The following IL23R variants were observed in gnomAD, a reference collection of about 807,000 sequenced individuals.
IL23R encodes the protein interleukin 23 receptor, also known as interleukin-23 receptor.
Under a neutral mutation model 56.9 loss-of-function variants are expected in IL23R, and 34 were observed. The observed-to-expected ratio is 0.60, with a 90% CI of 0.45 to 0.80. IL23R has a LOEUF of 0.80. IL23R is among the 30% of genes least tolerant of loss of function. The probability of loss-of-function intolerance (pLI) is 0.00; values close to 1 mark genes in which losing one functional copy is unlikely to be tolerated. For missense variants in IL23R, 635 were observed against 730.0 expected (o/e 0.87, Z 1.50); for synonymous variants, 230 against 249.2 (o/e 0.92, Z 0.73).
chr1:67,146,136 T>C (rs1485325882), intron 1 of IL23R, among the ~76,000 whole-genome samples: 4 of 152,180 alleles, frequency 2.6e-5, no homozygotes, highest in Admixed American at 6.6e-5. Flanking sequence ...GAGTAACAGA[T>C]GACTGCAGCC....
intron 7 of IL23R, among the ~76,000 whole-genome samples, chr1:67,227,556 T>C (rs1286048508): frequency 6.6e-6 from 1 of 152,214 alleles, no homozygotes; most frequent in African/African-American, 2.4e-5. Context: ...AAGATGCTCA[T>C]TAATTTTTCA....
chr1:67,262,898 G>A (rs1045224946), downstream of IL23R, among the ~76,000 whole-genome samples: 4 of 152,086 alleles, frequency 2.6e-5, no homozygotes, highest in Non-Finnish European at 4.4e-5. Context: ...GAATGCTGAA[G>A]CAAAATGGAG....
chr1:67,261,450 A>G (rs1347377737), downstream of IL23R, among the ~76,000 whole-genome samples: 1 of 74,350 alleles, frequency 1.3e-5, no homozygotes, highest in Non-Finnish European at 3.1e-5. Flanking sequence ...ACATAGTGTA[A>G]AAAAAAAAAA....
At chr1:67,252,229 A>G (rs1002373946) in intron 9 of IL23R, among the ~76,000 whole-genome samples, 1 of 152,222 alleles carries the variant, frequency 6.6e-6, no homozygotes, top group South Asian at 2.1e-4. Flanking sequence ...AACTTAGCCA[A>G]TGATTTTTCC....
At chr1:67,251,826 C>G (rs1445025946) in intron 9 of IL23R, among the ~76,000 whole-genome samples, 2 of 152,152 alleles carry the variant, frequency 1.3e-5, no homozygotes, top group African/African-American at 2.4e-5. Flanking sequence ...TTGTGCTTCC[C>G]AGAAGGGCTC....
At chr1:67,242,138 A>T (rs1651893109) in intron 9 of IL23R, among the ~76,000 whole-genome samples, 1 of 152,210 alleles carries the variant, frequency 6.6e-6, no homozygotes, top group Admixed American at 6.5e-5. Context: ...TGGAAAAAAG[A>T]CCTAACAAAT....
At chr1:67,186,194 G>C (rs1647315046) in intron 4 of IL23R, among the ~76,000 whole-genome samples, 1 of 152,202 alleles carries the variant, frequency 6.6e-6, no homozygotes, top group Non-Finnish European at 1.5e-5. Context: ...TGCACTTCAA[G>C]CACACAGAAA....
chr1:67,152,954 T>C (rs1379128250), intron 1 of IL23R, among the ~76,000 whole-genome samples: 1 of 152,238 alleles, frequency 6.6e-6, no homozygotes, highest in Non-Finnish European at 1.5e-5. Context: ...AGGATGATGC[T>C]GGCCTCATAA....
At chr1:67,156,759 G>A (rs1646773022) in intron 1 of IL23R, among the ~76,000 whole-genome samples, 1 of 152,180 alleles carries the variant, frequency 6.6e-6, no homozygotes, top group Admixed American at 6.5e-5. Flanking sequence ...CATGGAAGTG[G>A]GACCTGCTGA....
chr1:67,169,357 A>C lies in IL23R; in HGVS notation c.86A>C (p.Asn29Thr). The C allele has an allele frequency of 1.9e-6, 3 of 1,609,586 alleles. No individual in the cohort carries two copies. Among genetic ancestry groups the C allele is most frequent in the Non-Finnish European group, 2.5e-6 (3 of 1,177,284 alleles). Residue 29 changes from asparagine (N) to threonine (T), a missense_variant, in exon 3 of 11, where the codon AAC (asparagine) becomes ACC (threonine). Coordinates refer to ENST00000347310, the MANE Select transcript of IL23R (RefSeq NM_144701.3). Reference sequence around the variant, plus strand: ...TTATTTCTAGGAATTACAAATATAAACTGCTCTGGCCACATCTGGGTAGAA... The same window carrying C: ...TTATTTCTAGGAATTACAAATATAACCTGCTCTGGCCACATCTGGGTAGAA... ...SWCHGGITNI[N>T]CSGHIWVEPA... is the part of the protein sequence containing the mutation.
intron 9 of IL23R, among the ~76,000 whole-genome samples, chr1:67,246,491 C>T (rs1171687747): frequency 2.6e-5 from 4 of 152,152 alleles, no homozygotes; most frequent in Non-Finnish European, 5.9e-5. Flanking sequence ...AAATGTGTCC[C>T]AGAGATTCTG....
At chr1:67,140,264 T>TA (rs1329045958) in intron 1 of IL23R, among the ~76,000 whole-genome samples, 3 of 152,210 alleles carry the variant, frequency 2.0e-5, no homozygotes, top group Non-Finnish European at 4.4e-5. Flanking sequence ...TCTGATTTCA[T>TA]AAATATTTAA....
chr1:67,213,420 G>C (rs961867156), intron 6 of IL23R, among the ~76,000 whole-genome samples: 15 of 152,142 alleles, frequency 9.9e-5, no homozygotes, highest in African/African-American at 3.4e-4. Flanking sequence ...CAGTATTGAG[G>C]GTGCTTTTCA....
At chr1:67,207,307 G>T in intron 6 of IL23R, 1 of 542,072 alleles carries the variant, frequency 1.8e-6, no homozygotes, top group East Asian at 3.5e-5. Context: ...CTGTCACCCA[G>T]GTGCTAAGCA....
intron 9 of IL23R, 149 bp downstream of exon 9, chr1:67,240,430 T>A: frequency 1.5e-6 from 1 of 655,778 alleles, no homozygotes; most frequent in Non-Finnish European, 2.7e-6. Context: ...TAATAAGTAC[T>A]TACCCATGCC....
rs373245679 is a variant in IL23R, at chr1:67,258,790, T to C, written c.1552T>C (p.Ser518Pro). The change falls in exon 11 of 11, where the codon TCA becomes CCA. Residue 518 changes from serine (S) to proline (P), a missense_variant. Physicochemically the swap from Ser to Pro is moderately conservative, Grantham distance 74. Coordinates refer to ENST00000347310, the MANE Select transcript of IL23R (RefSeq NM_144701.3). ...TLKPPVDSLD[S>P]GNNPRLQKHP... ...TAAACCACCAGTTGATTCCTTAGAC[T>C]CAGGAAATAATCCCAGGTTACAAAA... 5 of 1,611,202 alleles carry C rather than the reference T, an allele frequency of 3.1e-6. No homozygotes were observed. Among genetic ancestry groups the C allele is most frequent in the Non-Finnish European group, 4.2e-6 (5 of 1,177,860 alleles).
intron 9 of IL23R, among the ~76,000 whole-genome samples, chr1:67,251,796 A>T (rs775922860): frequency 2.0e-4 from 31 of 152,214 alleles, no homozygotes; most frequent in Admixed American, 3.9e-4. Flanking sequence ...CTACTGAGCT[A>T]CAGTACTGGG....
In IL23R at chr1:67,247,368, G is replaced by A. The variant is rs137860980; in HGVS notation, c.1148+7087G>A. On this transcript the variant is annotated intron_variant, in intron 9 of 10. Coordinates refer to ENST00000347310, the MANE Select transcript of IL23R (RefSeq NM_144701.3). ...TGCCCAGACTGGAGTGCAATGGCACGATCTTGGCTCCCTGCAACCTCTGCC... is the reference window on the plus strand; with the variant it reads ...TGCCCAGACTGGAGTGCAATGGCACAATCTTGGCTCCCTGCAACCTCTGCC... Among the ~76,000 whole-genome samples, 699 of 151,276 alleles carry A rather than the reference G, an allele frequency of 4.6e-3. 21 individuals carry two copies. Among genetic ancestry groups the A allele is most frequent in the Admixed American group, 0.041 (628 of 15,176 alleles).
chr1:67,138,838 A>T (rs1362999926), upstream of IL23R: 1 of 152,322 alleles, frequency 6.6e-6, no homozygotes, highest in Non-Finnish European at 1.5e-5. Flanking sequence ...GGAGAAAGTT[A>T]TCTATGTTAG....
Sources: gnomAD v4.1 joint callset for allele counts (sites outside exome capture counted in the v4.1 genomes callset) on GRCh38, gnomAD v4.1.1 for gene constraint, MANE v1.5 for transcripts, NCBI Gene and HGNC (gene_info 2026-07-23, HGNC 2026-07-21) for gene names.